CDC14B: variants seen among roughly 807,000 people sequenced by gnomAD.
CDC14B encodes the protein dual specificity protein phosphatase CDC14B.
Under a neutral mutation model 64.2 loss-of-function variants are expected in CDC14B, and 22 were observed. The ratio of observed to expected loss-of-function variants is 0.34; its 90% CI spans 0.24 to 0.49. The LOEUF (loss-of-function observed/expected upper bound fraction) is 0.49. Among genes scored for constraint, CDC14B ranks in the 20% least tolerant of loss-of-function variants. The pLI is 0.99. For synonymous variants in CDC14B, 191 were observed against 215.8 expected, an observed-to-expected ratio of 0.89 and a Z score of 1.01; for missense variants, 498 against 629.9, an observed-to-expected ratio of 0.79 and a Z score of 2.24.
intron 1 of CDC14B, among the ~76,000 whole-genome samples, chr9:96,596,575 T>C (rs529916095): frequency 1.2e-3 from 175 of 151,758 alleles, no homozygotes; most frequent in African/African-American, 4.0e-3. Flanking sequence ...TACAAAAAAA[T>C]GAAGGGCAGG....
intron 1 of CDC14B, among the ~76,000 whole-genome samples, chr9:96,584,909 G>A (rs1260570409): frequency 6.6e-6 from 1 of 152,182 alleles, no homozygotes; most frequent in African/African-American, 2.4e-5. Context: ...ACCTGCCTCG[G>A]CCTCCCAAAG....
intron 5 of CDC14B, among the ~76,000 whole-genome samples, chr9:96,545,378 C>T (rs934923956): frequency 6.9e-6 from 1 of 145,814 alleles, no homozygotes; most frequent in Admixed American, 7.0e-5. Context: ...AGTGCAGTGG[C>T]GCGATCTTGG....
chr9:96,504,695 T>C (rs1833886214), intron 13 of CDC14B, among the ~76,000 whole-genome samples: 2 of 152,200 alleles, frequency 1.3e-5, no homozygotes, highest in Non-Finnish European at 2.9e-5. Context: ...TTGGAGATAA[T>C]GGCAGTAGCC....
intron 1 of CDC14B, among the ~76,000 whole-genome samples, chr9:96,579,874 G>A (rs35546714): frequency 0.016 from 2,497 of 152,156 alleles, 69 homozygotes; most frequent in African/African-American, 0.057. Context: ...ACTGTGAGGC[G>A]GACAGAGGAA....
At chr9:96,529,795 G>C (rs1450115390) in intron 9 of CDC14B, among the ~76,000 whole-genome samples, 1 of 152,008 alleles carries the variant, frequency 6.6e-6, no homozygotes, top group East Asian at 1.9e-4. Context: ...TGCCCAGCCT[G>C]TATGAAGTTT....
At chr9:96,584,876 G>A (rs1246337605) in intron 1 of CDC14B, among the ~76,000 whole-genome samples, 1 of 151,996 alleles carries the variant, frequency 6.6e-6, no homozygotes, top group Non-Finnish European at 1.5e-5. Context: ...GGCTGGTCTC[G>A]AACTCCTGAC....
At chr9:96,541,606 C>A (rs988688676) in intron 6 of CDC14B, among the ~76,000 whole-genome samples, 1 of 152,216 alleles carries the variant, frequency 6.6e-6, no homozygotes, top group Non-Finnish European at 1.5e-5. Flanking sequence ...TCTTAAGTGA[C>A]TTTTCCCCCA....
intron 9 of CDC14B, among the ~76,000 whole-genome samples, chr9:96,530,891 A>G (rs149094122): frequency 1.0e-3 from 154 of 152,304 alleles, no homozygotes; most frequent in African/African-American, 3.5e-3. Context: ...GACTTTTGTC[A>G]GACGCTTTTT....
intron 13 of CDC14B, among the ~76,000 whole-genome samples, chr9:96,505,765 G>A (rs1834037559): frequency 6.6e-6 from 1 of 152,204 alleles, no homozygotes; most frequent in African/African-American, 2.4e-5. Flanking sequence ...AGGACCGAGG[G>A]CCACACAGGC....
chr9:96,591,323 A>T (rs1845783200), intron 1 of CDC14B, among the ~76,000 whole-genome samples: 2 of 152,166 alleles, frequency 1.3e-5, no homozygotes, highest in South Asian at 4.1e-4. Context: ...TTGCAGGTGG[A>T]CATCCAGTTT....
At position 96,545,475 on chromosome 9, in the gene CDC14B, G is replaced by A. The variant is rs1219530739; in HGVS notation, c.498-3583C>T. ...TGGGACTACAGGCGCCTGCCACCAC[G>A]CCCAGCTAATTTTTTTGTATTTTCA... On this transcript the variant is annotated intron_variant, in intron 5 of 13. Coordinates refer to ENST00000375241, the MANE Select transcript of CDC14B (RefSeq NM_033331.4). 2.0e-5 allele frequency among the ~76,000 whole-genome samples: 3 copies of A among 151,704 alleles called. 1 individual carries two copies. Among genetic ancestry groups the A allele is most frequent in the South Asian group, 4.2e-4 (2 of 4,810 alleles).
At chr9:96,605,119 A>G (rs1846796045) in intron 1 of CDC14B, among the ~76,000 whole-genome samples, 1 of 152,164 alleles carries the variant, frequency 6.6e-6, no homozygotes, top group South Asian at 2.1e-4. Context: ...ATTCAATTTA[A>G]GGATAATGGT....
intron 1 of CDC14B, among the ~76,000 whole-genome samples, chr9:96,581,661 T>C (rs904791775): frequency 5.3e-5 from 8 of 152,142 alleles, no homozygotes; most frequent in African/African-American, 1.9e-4. Context: ...TTTTGAGTAT[T>C]AGGTGGGTTT....
At chr9:96,523,471 A>G (rs1564237857) in intron 10 of CDC14B, 51 bp from the exon 11 acceptor site, 1 of 1,603,654 alleles carries the variant, frequency 6.2e-7, no homozygotes, top group Admixed American at 1.7e-5. Flanking sequence ...AGATACATGA[A>G]CAACTTCTTC....
In CDC14B at chr9:96,551,111, C is replaced by CTTTTTTTTTTTTTTTTTTTTTT. The variant is rs202193145; in HGVS notation, c.497+684_497+685insAAAAAAAAAAAAAAAAAAAAAA. 2.8e-3 allele frequency among the ~76,000 whole-genome samples: 258 copies of CTTTTTTTTTTTTTTTTTTTTTT among 93,248 alleles called. 29 individuals are homozygous for CTTTTTTTTTTTTTTTTTTTTTT. The highest frequency in any genetic ancestry group is 4.5e-3 in the East Asian group (14 of 3,126). The allele number at this position is 93,248 out of a possible 152,430, so 61.2% of individuals were successfully genotyped here. ...TACAAAGCCTAGGTTTTGGGGTTTG[C>CTTTTTTTTTTTTTTTTTTTTTT]TTTTTTTTTTTTTTTTTTTGAGACA... On this transcript the variant is annotated intron_variant, in intron 5 of 13. Coordinates refer to ENST00000375241, the MANE Select transcript of CDC14B (RefSeq NM_033331.4).
chr9:96,539,485 G>A (rs1483220980), intron 6 of CDC14B, among the ~76,000 whole-genome samples: 1 of 151,954 alleles, frequency 6.6e-6, no homozygotes, highest in Non-Finnish European at 1.5e-5. Flanking sequence ...TACCACCCCT[G>A]GCTGAAAATT....
At chr9:96,570,338 A>T (rs1277051676) in intron 1 of CDC14B, among the ~76,000 whole-genome samples, 1 of 152,224 alleles carries the variant, frequency 6.6e-6, no homozygotes, top group Non-Finnish European at 1.5e-5. Flanking sequence ...TTAATAGGAA[A>T]GATTTGAAGA....
At position 96,534,116 on chromosome 9, in the gene CDC14B, T is replaced by C; in HGVS notation, c.757A>G (p.Lys253Glu). ...ATAATGGTAGTAACATTGTGATTCTTAAAATATTGAATATAAGTCTCAGGA... is the reference window on the plus strand; with the variant it reads ...ATAATGGTAGTAACATTGTGATTCTCAAAATATTGAATATAAGTCTCAGGA... ...HSPETYIQYF[K>E]NHNVTTIIRL... is the part of the protein sequence containing the mutation. Residue 253 changes from lysine (K) to glutamate (E), a missense_variant, in exon 9 of 14, where the codon AAG (lysine) becomes GAG (glutamate). By Grantham distance (56) the Lys-to-Glu change is moderately conservative. Transcript: ENST00000375241. 6.2e-7 allele frequency: 1 copy of C among 1,610,196 alleles called. No homozygotes were observed. Among genetic ancestry groups the C allele is most frequent in the Non-Finnish European group, 8.5e-7 (1 of 1,177,140 alleles).
At chr9:96,525,637 C>T (rs1187788085) in intron 9 of CDC14B, among the ~76,000 whole-genome samples, 1 of 152,186 alleles carries the variant, frequency 6.6e-6, no homozygotes, top group Non-Finnish European at 1.5e-5. Context: ...TGGGATTTGC[C>T]TGGCTAGGTT....
Sources: gnomAD v4.1 joint callset for allele counts (sites outside exome capture counted in the v4.1 genomes callset) on GRCh38, gnomAD v4.1.1 for gene constraint, MANE v1.5 for transcripts, NCBI Gene and HGNC (gene_info 2026-07-23, HGNC 2026-07-21) for gene names.